IL22RA2: variants seen among roughly 807,000 people sequenced by gnomAD.
IL22RA2 encodes the protein interleukin 22 receptor subunit alpha 2.
A neutral mutation model predicts 30.7 loss-of-function variants in IL22RA2; 39 were observed. The observed-to-expected ratio is 1.27, with a 90% CI of 0.98 to 1.66. The LOEUF is 1.66. Among genes scored for constraint, IL22RA2 ranks in the 40% most tolerant of loss-of-function variants. The probability of loss-of-function intolerance (pLI) is 0.00; values close to 1 mark genes in which losing one functional copy is unlikely to be tolerated. For missense variants in IL22RA2, 315 were observed against 312.7 expected, an observed-to-expected ratio of 1.01 and a Z score of -0.05; for synonymous variants, 103 against 105.0, an observed-to-expected ratio of 0.98 and a Z score of 0.11.
chr6:137,155,500 A>G (rs954486405), intron 4 of IL22RA2, among the ~76,000 whole-genome samples: 1 of 149,856 alleles, frequency 6.7e-6, no homozygotes, highest in East Asian at 1.9e-4. Context: ...TGGCATATAC[A>G]TATATATACA....
chr6:137,165,431 T>C (rs987435863), intron 1 of IL22RA2, among the ~76,000 whole-genome samples: 2 of 152,062 alleles, frequency 1.3e-5, no homozygotes, highest in Admixed American at 6.5e-5. Context: ...GCTACTAAGG[T>C]GTTTGTAAAT....
chr6:137,148,270 G>T (rs112981931), intron 5 of IL22RA2, among the ~76,000 whole-genome samples: 17 of 151,936 alleles, frequency 1.1e-4, no homozygotes, highest in African/African-American at 3.9e-4. Context: ...TTTGAGACAG[G>T]ATCTCATTAT....
At chr6:137,153,496 G>C (rs79997541) in intron 5 of IL22RA2, among the ~76,000 whole-genome samples, 258 of 152,248 alleles carry the variant, frequency 1.7e-3, no homozygotes, top group African/African-American at 5.6e-3. Flanking sequence ...AACTCTGACT[G>C]TTACCCATAG....
chr6:137,172,780 C>T (rs1319710397), intron 1 of IL22RA2, among the ~76,000 whole-genome samples: 5 of 152,172 alleles, frequency 3.3e-5, no homozygotes, highest in Non-Finnish European at 7.3e-5. Flanking sequence ...TTCCTTTCTT[C>T]TTGTGGCTTC....
chr6:137,148,007 G>A (rs968089831), intron 5 of IL22RA2, 116 bp from the exon 6 acceptor site: 6 of 894,218 alleles, frequency 6.7e-6, no homozygotes, highest in East Asian at 2.5e-5. Context: ...CAGGGAGGCC[G>A]AGGCTGCAGT....
At chr6:137,157,057 G>A (rs1778421549) in intron 3 of IL22RA2, among the ~76,000 whole-genome samples, 1 of 152,058 alleles carries the variant, frequency 6.6e-6, no homozygotes, top group African/African-American at 2.4e-5. Flanking sequence ...CTCCTACGAG[G>A]CCCTACTTCC....
intron 3 of IL22RA2, 29 bp from the exon 4 acceptor site, chr6:137,156,883 C>A (rs199749779): frequency 4.4e-6 from 7 of 1,595,880 alleles, no homozygotes; most frequent in Non-Finnish European, 6.0e-6. Flanking sequence ...GAAAACAGAT[C>A]GTGTGAAGAG....
intron 1 of IL22RA2, among the ~76,000 whole-genome samples, chr6:137,162,915 A>ATAG (rs1359010151): frequency 6.6e-6 from 1 of 152,136 alleles, no homozygotes; most frequent in Non-Finnish European, 1.5e-5. Flanking sequence ...CTATAACCTA[A>ATAG]TAGTAGTAGT....
chr6:137,166,593 T>C (rs1778630617), intron 1 of IL22RA2, among the ~76,000 whole-genome samples: 1 of 152,316 alleles, frequency 6.6e-6, no homozygotes, highest in East Asian at 1.9e-4. Flanking sequence ...CATGCCCTTA[T>C]TGGAGCTTCC....
chr6:137,155,118 A>G lies in IL22RA2; in HGVS notation c.295T>C (p.Tyr99His). 1 of 1,545,416 alleles carries G rather than the reference A, an allele frequency of 6.5e-7. No homozygotes were observed. The highest frequency in any genetic ancestry group is 8.7e-7 in the Non-Finnish European group (1 of 1,146,116). ...TTATTTTTCCATTGTCTCTGTCCAT[A>G]TCTGTAGCAGGGAAAAGGCAAAGAT... ...NFPGCRTLAK[Y>H]GQRQWKNKED... The change falls in exon 5 of 7, where the codon TAT (tyrosine) becomes CAT (histidine). Residue 99 changes from tyrosine to histidine, a missense_variant and splice_region_variant. By Grantham distance (83) the Tyr-to-His change is moderately conservative. Transcript: ENST00000296980.
intron 1 of IL22RA2, among the ~76,000 whole-genome samples, chr6:137,171,871 T>C (rs1255600183): frequency 2.6e-5 from 4 of 152,244 alleles, no homozygotes; most frequent in Non-Finnish European, 5.9e-5. Flanking sequence ...TCCCAGTGCC[T>C]CTGTTCTACG....
rs747323617 is a variant in IL22RA2 at position 137,145,810 on chromosome 6, G to T, written c.643-37C>A. The T allele has an allele frequency of 3.1e-6, 5 of 1,611,652 alleles. No individual in the cohort carries two copies. In the African/African-American group the frequency reaches 6.7e-5, roughly 22 times the overall value. ...AGAGAAAATAATCAGTTGGTAAATG[G>T]CTGCCATTAAGTCACAGCTGCATTT... On this transcript the variant is annotated intron_variant, in intron 6 of 6. Coordinates refer to ENST00000296980, the MANE Select transcript of IL22RA2 (RefSeq NM_052962.3).
intron 5 of IL22RA2, among the ~76,000 whole-genome samples, chr6:137,153,325 T>A (rs1172058322): frequency 1.3e-5 from 2 of 152,148 alleles, no homozygotes; most frequent in African/African-American, 4.8e-5. Flanking sequence ...AAATGGATAA[T>A]TGAAAACTCA....
chr6:137,146,707 G>T (rs111432234), intron 6 of IL22RA2, among the ~76,000 whole-genome samples: 2 of 152,268 alleles, frequency 1.3e-5, no homozygotes, highest in East Asian at 1.9e-4. Flanking sequence ...GAATACCACT[G>T]CAAGGCCAGG....
chr6:137,157,677 C>T (rs1478418713), intron 3 of IL22RA2, among the ~76,000 whole-genome samples: 1 of 151,758 alleles, frequency 6.6e-6, no homozygotes, highest in Non-Finnish European at 1.5e-5. Context: ...CCTCAACCCC[C>T]CTCACCCCCC....
chr6:137,162,844 C>T (rs893232705), intron 1 of IL22RA2, among the ~76,000 whole-genome samples: 1 of 152,148 alleles, frequency 6.6e-6, no homozygotes, highest in Non-Finnish European at 1.5e-5. Flanking sequence ...AGTGGCAAGA[C>T]AAGATGGTGG....
chr6:137,150,016 A>G (rs1276183925), intron 5 of IL22RA2, among the ~76,000 whole-genome samples: 1 of 152,240 alleles, frequency 6.6e-6, no homozygotes, highest in Non-Finnish European at 1.5e-5. Flanking sequence ...TTCTAGGGTC[A>G]AATAATACTG....
Position 137,156,831 on chromosome 6 carries a change from CT to C in IL22RA2, c.220del (p.Ser74AlafsTer62). On this transcript the variant is annotated frameshift_variant, in exon 4 of 7. Transcript: ENST00000296980. LOFTEE classifies it high-confidence loss of function. ...GCATCCACTTGGCTTCTGGTGAGAG[CT>C]TTTCATGCTGCATGAGAACATGCTA... ...YKIMFSCSMK[S>X]SHQKPSGCWQ... The C allele has an allele frequency of 6.2e-7, 1 of 1,613,662 alleles. No homozygotes were observed. The highest frequency in any genetic ancestry group is 1.7e-5 in the Admixed American group (1 of 60,012).
chr6:137,153,098 A>T (rs374337610), intron 5 of IL22RA2, among the ~76,000 whole-genome samples: 1 of 152,160 alleles, frequency 6.6e-6, no homozygotes, highest in Non-Finnish European at 1.5e-5. Context: ...TACTGCTTCA[A>T]TGCTTTTATT....
Sources: gnomAD v4.1 joint callset for allele counts (sites outside exome capture counted in the v4.1 genomes callset) on GRCh38, gnomAD v4.1.1 for gene constraint, MANE v1.5 for transcripts, NCBI Gene and HGNC (gene_info 2026-07-23, HGNC 2026-07-21) for gene names.